OTOGL: variants seen among roughly 807,000 people sequenced by gnomAD.
The protein encoded by OTOGL is otogelin-like protein.
In OTOGL, 285 loss-of-function variants were observed where a neutral mutation model predicts 318.5. The ratio of observed to expected loss-of-function variants is 0.89; its 90% confidence interval spans 0.81 to 0.99. The LOEUF (loss-of-function observed/expected upper bound fraction) is 0.99, where lower values mean the gene tolerates loss of function less well. Ranked by LOEUF, OTOGL falls within the 50% of genes least tolerant of loss-of-function variation. OTOGL has a pLI of 0.00. For missense variants in OTOGL, 2,899 were observed against 2,845.6 expected, an observed-to-expected ratio of 1.02 and a Z score of -0.43; for synonymous variants, 987 against 936.5, an observed-to-expected ratio of 1.05 and a Z score of -0.99.
intron 55 of OTOGL, among the ~76,000 whole-genome samples, chr12:80,370,019 A>G (rs1034803846): frequency 6.6e-6 from 1 of 152,058 alleles, no homozygotes; most frequent in Non-Finnish European, 1.5e-5. Flanking sequence ...TCTTGAAAGA[A>G]TAGGGATAAA....
Position 80,279,633 on chromosome 12 carries a change from T to A in OTOGL, c.2928+467T>A, listed in dbSNP as rs147387278. 2.4e-3 allele frequency among the ~76,000 whole-genome samples: 358 copies of A among 151,900 alleles called. 1 individual carries two copies. The highest frequency in any genetic ancestry group is 4.3e-3 in the Non-Finnish European group (291 of 67,790). On this transcript the variant is annotated intron_variant, in intron 26 of 58. Transcript: ENST00000547103. ...TGCTGCAAAAGACATTTCTTTCTTA[T>A]GGCCATGTAATATTCCATGGTGTAT...
chr12:80,269,931 C>T (rs556282976), intron 22 of OTOGL, among the ~76,000 whole-genome samples, 171 bp from the exon 23 acceptor site: 11 of 152,018 alleles, frequency 7.2e-5, no homozygotes, highest in South Asian at 4.2e-4. Flanking sequence ...GTTGAAATAG[C>T]GTTCCTGAAA....
At position 80,194,173 on chromosome 12, in the gene OTOGL, G is replaced by A. The variant is rs147209073; in HGVS notation, c.-19-15240G>A. Among the ~76,000 whole-genome samples the A allele has an allele frequency of 3.9e-5, 6 of 152,286 alleles. No homozygotes were observed. In the East Asian group the frequency reaches 1.2e-3, roughly 29 times the overall value. On this transcript the variant is annotated intron_variant, in intron 1 of 58. Coordinates refer to ENST00000547103, the MANE Select transcript of OTOGL (RefSeq NM_001378609.3). ...AGGCATGTGACCTAGTCAGGCACTC[G>A]AGGGACTTCAGATCTTCAGCAGAGT...
intron 8 of OTOGL, among the ~76,000 whole-genome samples, chr12:80,232,453 A>G (rs1411406960): frequency 7.9e-5 from 12 of 152,228 alleles, no homozygotes. Context: ...ATGTTTGTAT[A>G]TTTTGATGAT....
intron 1 of OTOGL, among the ~76,000 whole-genome samples, chr12:80,173,595 G>T (rs1188715775): frequency 6.6e-6 from 1 of 152,124 alleles, no homozygotes; most frequent in Admixed American, 6.6e-5. Context: ...CAGGATCTTT[G>T]TGACTTGTAA....
intron 1 of OTOGL, among the ~76,000 whole-genome samples, chr12:80,148,600 T>C (rs1379237926): frequency 2.6e-5 from 4 of 152,034 alleles, no homozygotes; most frequent in Non-Finnish European, 2.9e-5. Flanking sequence ...AATGTTGGCC[T>C]GCCTTGCTAG....
chr12:80,181,942 T>C (rs1435989526), intron 1 of OTOGL, among the ~76,000 whole-genome samples: 2 of 152,058 alleles, frequency 1.3e-5, no homozygotes, highest in African/African-American at 4.8e-5. Flanking sequence ...GGCAGGAGCA[T>C]TGCTTGAGTC....
rs1462861895 is a variant in OTOGL, at chr12:80,267,480, T to C, written c.2465+153T>C. ...GGTTTGTTACGTATGTATACATGTGTGCCATGTTGGTGTGCTGCACCCATT... is the reference window on the plus strand; with the variant it reads ...GGTTTGTTACGTATGTATACATGTGCGCCATGTTGGTGTGCTGCACCCATT... On this transcript the variant is annotated intron_variant, in intron 22 of 58. Transcript: ENST00000547103. 1.3e-4 allele frequency among the ~76,000 whole-genome samples: 20 copies of C among 151,504 alleles called. 1 individual carries two copies. Among genetic ancestry groups the C allele is most frequent in the Non-Finnish European group, 1.8e-4 (12 of 67,898 alleles).
chr12:80,225,001 T>C (rs1192540668), intron 7 of OTOGL, among the ~76,000 whole-genome samples: 2 of 152,036 alleles, frequency 1.3e-5, no homozygotes, highest in African/African-American at 4.8e-5. Flanking sequence ...AAACATCTCC[T>C]GTACCCCATA....
At chr12:80,357,808 G>T (rs1890002494) in intron 49 of OTOGL, among the ~76,000 whole-genome samples, 1 of 152,128 alleles carries the variant, frequency 6.6e-6, no homozygotes, top group Admixed American at 6.6e-5. Flanking sequence ...AAAAAGGTGT[G>T]GGTGGTGCAT....
chr12:80,234,048 C>A (rs1057305101), intron 9 of OTOGL, among the ~76,000 whole-genome samples: 1 of 152,080 alleles, frequency 6.6e-6, no homozygotes, highest in African/African-American at 2.4e-5. Context: ...CTCCTTTCCT[C>A]TCCTTTCTTT....
At chr12:80,341,182 C>T (rs1383730779) in intron 43 of OTOGL, among the ~76,000 whole-genome samples, 2 of 152,190 alleles carry the variant, frequency 1.3e-5, no homozygotes, top group East Asian at 3.9e-4. Context: ...TTCCTTGGCT[C>T]TGCACTGCAT....
chr12:80,302,562 C>A, intron 27 of OTOGL, 72 bp from the exon 28 acceptor site: 1 of 1,020,270 alleles, frequency 9.8e-7, no homozygotes, highest in Non-Finnish European at 1.3e-6. Context: ...TAAATGTTAA[C>A]TAAACTAATT....
In OTOGL at chr12:80,126,169, G is replaced by A. The variant is rs543995139; in HGVS notation, c.-20+26564G>A. ...TTAGATCTTTCCTGCTTTCTCTTGT[G>A]GGCATTTAGTGCTGTAAATTTCCCT... On this transcript the variant is annotated intron_variant, in intron 1 of 58. Coordinates refer to ENST00000547103, the MANE Select transcript of OTOGL (RefSeq NM_001378609.3). Among the ~76,000 whole-genome samples, 5 of 151,888 alleles carry A rather than the reference G, an allele frequency of 3.3e-5. No homozygotes were observed. In the South Asian group the frequency reaches 1.0e-3, roughly 32 times the overall value.
At chr12:80,258,736 A>G (rs957073574) in intron 18 of OTOGL, among the ~76,000 whole-genome samples, 1 of 152,068 alleles carries the variant, frequency 6.6e-6, no homozygotes, top group Non-Finnish European at 1.5e-5. Context: ...CCTTTAAGAA[A>G]TATATCTGGA....
chr12:80,285,510 G>A (rs1249568810), intron 26 of OTOGL, among the ~76,000 whole-genome samples: 1 of 152,106 alleles, frequency 6.6e-6, no homozygotes, highest in African/African-American at 2.4e-5. Context: ...GTATCTGTGA[G>A]CATAGAATCT....
At chr12:80,188,771 A>T (rs1377315186) in intron 1 of OTOGL, among the ~76,000 whole-genome samples, 1 of 152,158 alleles carries the variant, frequency 6.6e-6, no homozygotes, top group Non-Finnish European at 1.5e-5. Flanking sequence ...TGGTATATCC[A>T]AAGAATTTCA....
chr12:80,229,020 G>A (rs570981289), intron 7 of OTOGL, among the ~76,000 whole-genome samples: 4 of 152,204 alleles, frequency 2.6e-5, no homozygotes, highest in Non-Finnish European at 5.9e-5. Context: ...CATCCAACAT[G>A]CGAAGATTCA....
intron 11 of OTOGL, among the ~76,000 whole-genome samples, chr12:80,242,838 A>G (rs1294425034): frequency 6.6e-6 from 1 of 152,094 alleles, no homozygotes; most frequent in Non-Finnish European, 1.5e-5. Flanking sequence ...GGACAGAACT[A>G]TTAACTTTAT....
Sources: gnomAD v4.1 joint callset for allele counts (sites outside exome capture counted in the v4.1 genomes callset) on GRCh38, gnomAD v4.1.1 for gene constraint, MANE v1.5 for transcripts, NCBI Gene and HGNC (gene_info 2026-07-23, HGNC 2026-07-21) for gene names.